Variants in ARL13B observed in about 807,000 individuals in gnomAD.
ARL13B encodes the protein ARF like GTPase 13B, also known as ADP-ribosylation factor-like protein 13B.
A neutral mutation model predicts 56.1 loss-of-function variants in ARL13B; 36 were observed. The observed-to-expected ratio is 0.64, with a 90% CI of 0.49 to 0.85. The LOEUF (loss-of-function observed/expected upper bound fraction) is 0.85, where lower values mean the gene tolerates loss of function less well. Among genes scored for constraint, ARL13B ranks in the 40% least tolerant of loss-of-function variants. ARL13B has a pLI of 0.00. For synonymous variants in ARL13B, 178 were observed against 171.1 expected, an observed-to-expected ratio of 1.04 and a Z score of -0.32; for missense variants, 519 against 507.1, an observed-to-expected ratio of 1.02 and a Z score of -0.23.
rs535268842 is a variant in ARL13B, at chr3:94,043,892, G to A, written c.1024+652G>A. Among the ~76,000 whole-genome samples the A allele has an allele frequency of 2.9e-4, 44 of 150,878 alleles. No individual in the cohort carries two copies. The South Asian group carries it at 3.6e-3, about 12-fold the overall frequency. On this transcript the variant is annotated intron_variant, in intron 7 of 9. Coordinates refer to ENST00000394222, the MANE Select transcript of ARL13B (RefSeq NM_001174150.2). ...GATCTGGTCTCCAGCTCCTGGCCTT[G>A]GGTGATCCGCCCACCTCGGCCTCCC...
chr3:94,052,655 G>A (rs1351386728), intron 9 of ARL13B, among the ~76,000 whole-genome samples: 1 of 152,160 alleles, frequency 6.6e-6, no homozygotes, highest in Non-Finnish European at 1.5e-5. Flanking sequence ...GGGCCAGATT[G>A]TGAAGGCTTC....
intron 3 of ARL13B, chr3:94,014,305 G>T: frequency 8.3e-7 from 1 of 1,211,620 alleles, no homozygotes; most frequent in South Asian, 1.8e-5. Context: ...GGATCCATGA[G>T]ATGGAGAAAA....
intron 1 of ARL13B, among the ~76,000 whole-genome samples, chr3:93,989,307 TC>T (rs1710624867): frequency 6.6e-6 from 1 of 152,174 alleles, no homozygotes; most frequent in African/African-American, 2.4e-5. Flanking sequence ...GTTTGTTGTT[TC>T]TTTCAGTAAA....
At chr3:94,014,938 T>A in intron 3 of ARL13B, 1 of 1,613,836 alleles carries the variant, frequency 6.2e-7, no homozygotes, top group South Asian at 1.1e-5. Context: ...TTTAACTAAA[T>A]CATTCAAACT....
chr3:93,982,761 C>G (rs909760576), intron 1 of ARL13B, among the ~76,000 whole-genome samples: 2 of 152,122 alleles, frequency 1.3e-5, no homozygotes, highest in African/African-American at 4.8e-5. Context: ...TCCCCTTGTT[C>G]AATGCCTGAT....
Position 94,008,672 on chromosome 3 carries a change from TA to T in ARL13B, c.380+4768del, listed in dbSNP as rs530671052. Among the ~76,000 whole-genome samples, 1,191 of 152,264 alleles carry T rather than the reference TA, an allele frequency of 7.8e-3. 7 individuals are homozygous for T. Among genetic ancestry groups the T allele is most frequent in the African/African-American group, 0.025 (1,041 of 41,562 alleles). The stretch of plus-strand genomic sequence containing the variant: ...CCTCTCGCTAGTACCCGTGGAGTCT[TA>T]AAAGTTGGCCTCAGAGAGATAATAA... On this transcript the variant is annotated intron_variant, in intron 3 of 9. Coordinates refer to ENST00000394222, the MANE Select transcript of ARL13B (RefSeq NM_001174150.2).
chr3:94,013,249 G>A (rs1028181243), intron 3 of ARL13B, among the ~76,000 whole-genome samples: 1 of 152,128 alleles, frequency 6.6e-6, no homozygotes, highest in Admixed American at 6.6e-5. Flanking sequence ...AGCACCCCTT[G>A]ACAGTCTCTG....
intron 2 of ARL13B, among the ~76,000 whole-genome samples, chr3:94,000,619 ATGTGTGTG>A (rs546779411): frequency 1.3e-5 from 2 of 148,756 alleles, no homozygotes; most frequent in Admixed American, 6.8e-5. Context: ...TTATTTGTGT[ATGTGTGTG>A]TGTGTGTGTG....
chr3:93,992,554 G>T (rs1361267318), intron 1 of ARL13B, among the ~76,000 whole-genome samples: 1 of 152,090 alleles, frequency 6.6e-6, no homozygotes, highest in Non-Finnish European at 1.5e-5. Flanking sequence ...ATATTTGTTT[G>T]CTACTATGTA....
At chr3:93,988,253 A>AG (rs1305636411) in intron 1 of ARL13B, among the ~76,000 whole-genome samples, 1 of 152,022 alleles carries the variant, frequency 6.6e-6, no homozygotes, top group Non-Finnish European at 1.5e-5. Context: ...AAAAAAAAAA[A>AG]CATGGCAATA....
chr3:94,029,919 G>T (rs1387039474), intron 3 of ARL13B, among the ~76,000 whole-genome samples: 1 of 152,044 alleles, frequency 6.6e-6, no homozygotes, highest in East Asian at 1.9e-4. Context: ...TGCTGCAGAA[G>T]AATATATATA....
At chr3:94,024,167 C>T (rs1576002186) in intron 3 of ARL13B, among the ~76,000 whole-genome samples, 1 of 152,130 alleles carries the variant, frequency 6.6e-6, no homozygotes, top group South Asian at 2.1e-4. Flanking sequence ...AAGGATCTCG[C>T]TCTTTTGTCC....
At position 94,048,597 on chromosome 3, in the gene ARL13B, A is replaced by AT. The variant is rs1033818480; in HGVS notation, c.1025-798dup. Among the ~76,000 whole-genome samples, 165 of 147,416 alleles carry AT rather than the reference A, an allele frequency of 1.1e-3. 1 individual carries two copies. Among genetic ancestry groups the AT allele is most frequent in the East Asian group, 8.1e-3 (41 of 5,052 alleles). On this transcript the variant is annotated intron_variant, in intron 7 of 9. Transcript: ENST00000394222. ...ATTTGTTTATTTACTTATTTATTTG[A>AT]TTTTTTTTTTTCTGAGATAGATTCT...
chr3:94,021,224 C>T (rs1208402362), intron 3 of ARL13B, among the ~76,000 whole-genome samples: 5 of 150,386 alleles, frequency 3.3e-5, no homozygotes, highest in Admixed American at 6.6e-5. Context: ...GACAGGGTCT[C>T]GCTCTGTTAC....
At chr3:94,051,740 C>CT (rs1269348837) in intron 9 of ARL13B, among the ~76,000 whole-genome samples, 1 of 152,060 alleles carries the variant, frequency 6.6e-6, no homozygotes, top group Non-Finnish European at 1.5e-5. Flanking sequence ...TAGGAAAAAA[C>CT]TCAGAAGTTT....
chr3:94,004,041 G>A, intron 3 of ARL13B, 133 bp downstream of exon 3: 1 of 1,341,202 alleles, frequency 7.5e-7, no homozygotes, highest in Non-Finnish European at 1.0e-6. Context: ...AATTAACTGG[G>A]AGTTGTTAAT....
At chr3:94,004,002 G>A in intron 3 of ARL13B, 94 bp downstream of exon 3, 1 of 1,563,658 alleles carries the variant, frequency 6.4e-7, no homozygotes, top group Non-Finnish European at 8.7e-7. Flanking sequence ...AGCTAAAATA[G>A]TCACGCTTTA....
chr3:94,026,650 GC>G (rs2076564191), intron 3 of ARL13B, among the ~76,000 whole-genome samples: 1 of 152,094 alleles, frequency 6.6e-6, no homozygotes, highest in Non-Finnish European at 1.5e-5. Flanking sequence ...AAAATATGAA[GC>G]TCATAGTTGT....
intron 1 of ARL13B, chr3:93,988,899 C>T (rs1398199998): frequency 6.2e-6 from 2 of 321,920 alleles, no homozygotes; most frequent in Non-Finnish European, 1.2e-5. Context: ...TCCTCTTGGG[C>T]TCTTGCTTCG....
Sources: allele counts gnomAD v4.1 joint callset (sites outside exome capture counted in the v4.1 genomes callset), GRCh38; gene constraint gnomAD v4.1.1; transcripts MANE v1.5; gene names NCBI Gene and HGNC (gene_info 2026-07-23, HGNC 2026-07-21).